NELL2: variants seen among roughly 807,000 people sequenced by gnomAD.
NELL2 encodes protein kinase C-binding protein NELL2.
Under a neutral mutation model 109.6 loss-of-function variants are expected in NELL2, and 41 were observed. That is an observed-to-expected ratio of 0.37 (90% CI 0.29 to 0.49). The LOEUF (loss-of-function observed/expected upper bound fraction) is 0.49, where lower values mean the gene tolerates loss of function less well. NELL2 is among the 20% of genes least tolerant of loss of function. NELL2 has a pLI of 0.98. For synonymous variants in NELL2, 355 were observed against 344.7 expected (o/e 1.03, Z -0.33); for missense variants, 900 against 1,008.3 (o/e 0.89, Z 1.45).
intron 2 of NELL2, among the ~76,000 whole-genome samples, chr12:44,821,937 A>AT (rs925139900): frequency 1.4e-5 from 2 of 146,094 alleles, no homozygotes; most frequent in African/African-American, 2.5e-5. Flanking sequence ...TTATTTTGGT[A>AT]TTTTTTTAGT....
intron 1 of NELL2, among the ~76,000 whole-genome samples, chr12:44,903,702 G>C (rs1344613262): frequency 3.3e-5 from 5 of 152,110 alleles, no homozygotes; most frequent in African/African-American, 1.2e-4. Context: ...AGAATACTAT[G>C]CAGCCATAAA....
chr12:44,566,346 G>A (rs1229754518), intron 15 of NELL2, among the ~76,000 whole-genome samples: 3 of 152,102 alleles, frequency 2.0e-5, no homozygotes, highest in African/African-American at 4.8e-5. Flanking sequence ...CTCAGAAGTC[G>A]CCATATAATT....
intron 15 of NELL2, among the ~76,000 whole-genome samples, chr12:44,581,489 C>T (rs1379974765): frequency 6.6e-6 from 1 of 152,098 alleles, no homozygotes; most frequent in Non-Finnish European, 1.5e-5. Flanking sequence ...AATCAACCTA[C>T]AGATTGAAGT....
At chr12:44,599,363 C>G (rs1413890517) in intron 15 of NELL2, among the ~76,000 whole-genome samples, 1 of 151,718 alleles carries the variant, frequency 6.6e-6, no homozygotes, top group Non-Finnish European at 1.5e-5. Flanking sequence ...GGAATCAAAA[C>G]CACAAGACAA....
intron 9 of NELL2, among the ~76,000 whole-genome samples, chr12:44,723,186 G>T (rs914715557): frequency 6.8e-6 from 1 of 146,932 alleles, no homozygotes; most frequent in Admixed American, 6.6e-5. Flanking sequence ...GCAAGACTCC[G>T]TCTCAAAAAA....
chr12:44,801,679 A>T (rs1942833977), intron 3 of NELL2, among the ~76,000 whole-genome samples: 1 of 152,128 alleles, frequency 6.6e-6, no homozygotes, highest in South Asian at 2.1e-4. Flanking sequence ...ATTTAATGAG[A>T]TTAATCCATA....
chr12:44,848,283 G>A (rs908904246), intron 2 of NELL2, among the ~76,000 whole-genome samples: 5 of 152,062 alleles, frequency 3.3e-5, no homozygotes, highest in Non-Finnish European at 7.4e-5. Flanking sequence ...CGATGCAGAG[G>A]ACCAACCTCC....
chr12:44,889,244 A>G (rs1388122438), intron 1 of NELL2, among the ~76,000 whole-genome samples: 1 of 152,070 alleles, frequency 6.6e-6, no homozygotes, highest in Non-Finnish European at 1.5e-5. Flanking sequence ...ACAGCACTGT[A>G]AGAGAACTGA....
intron 2 of NELL2, among the ~76,000 whole-genome samples, chr12:44,873,843 C>T (rs1945236332): frequency 1.3e-5 from 2 of 151,872 alleles, no homozygotes; most frequent in African/African-American, 4.8e-5. Flanking sequence ...TATATTTGGT[C>T]ATTGTTTTTA....
intron 15 of NELL2, among the ~76,000 whole-genome samples, chr12:44,561,738 C>G (rs1943474162): frequency 1.3e-5 from 2 of 152,084 alleles, no homozygotes; most frequent in South Asian, 4.1e-4. Context: ...AAAATGGCCA[C>G]ACTGCCAAAA....
intron 3 of NELL2, among the ~76,000 whole-genome samples, chr12:44,807,074 C>T (rs1012503741): frequency 9.3e-5 from 14 of 151,066 alleles, no homozygotes; most frequent in Admixed American, 4.6e-4. Flanking sequence ...ATAGGAAAAA[C>T]CATTTCAAAA....
At chr12:44,874,704 C>A (rs1381019304) in intron 2 of NELL2, among the ~76,000 whole-genome samples, 2 of 152,208 alleles carry the variant, frequency 1.3e-5, no homozygotes, top group Non-Finnish European at 2.9e-5. Flanking sequence ...GAATGAGGGT[C>A]TTTCAAAGAT....
intron 15 of NELL2, among the ~76,000 whole-genome samples, chr12:44,556,925 AGG>A (rs1943280086): frequency 1.3e-5 from 2 of 152,204 alleles, no homozygotes; most frequent in Admixed American, 1.3e-4. Context: ...GCAAGAGACA[AGG>A]TGAATATATA....
chr12:44,721,882 C>T (rs776193687), intron 9 of NELL2, among the ~76,000 whole-genome samples: 6 of 152,118 alleles, frequency 3.9e-5, no homozygotes, highest in Middle Eastern at 3.4e-3. Flanking sequence ...TTTTTCAATG[C>T]AGTTTCATGA....
chr12:44,797,904 T>A (rs1283052240), intron 3 of NELL2, among the ~76,000 whole-genome samples: 1 of 78,852 alleles, frequency 1.3e-5, no homozygotes, highest in Non-Finnish European at 3.4e-5. Context: ...CATTCCATCC[T>A]AGATGGAATG....
chr12:44,794,750 A>G (rs1246093328), intron 3 of NELL2, among the ~76,000 whole-genome samples: 2 of 152,164 alleles, frequency 1.3e-5, no homozygotes, highest in Non-Finnish European at 2.9e-5. Context: ...TTTAAACACA[A>G]TTGTTTGAGT....
chr12:44,733,452 G>A (rs1939475983), intron 9 of NELL2, among the ~76,000 whole-genome samples: 1 of 151,954 alleles, frequency 6.6e-6, no homozygotes, highest in Non-Finnish European at 1.5e-5. Context: ...AAATAAGTCA[G>A]TAACAACAGG....
chr12:44,757,515 A>G (rs1940941579), intron 9 of NELL2, among the ~76,000 whole-genome samples: 1 of 152,088 alleles, frequency 6.6e-6, no homozygotes, highest in Admixed American at 6.6e-5. Context: ...CACACCATTC[A>G]CTGTGCTCAA....
intron 18 of NELL2, among the ~76,000 whole-genome samples, chr12:44,521,525 G>T (rs560215814): frequency 8.1e-6 from 1 of 123,158 alleles, no homozygotes; most frequent in African/African-American, 4.3e-5. Context: ...GCGAGACTCC[G>T]TCTCAAAAAA....
Sources: allele counts gnomAD v4.1 joint callset (sites outside exome capture counted in the v4.1 genomes callset), GRCh38; gene constraint gnomAD v4.1.1; transcripts MANE v1.5; gene names NCBI Gene and HGNC (gene_info 2026-07-23, HGNC 2026-07-21).